CSNK1E: variants seen among roughly 807,000 people sequenced by gnomAD.
CSNK1E encodes the protein casein kinase I isoform epsilon.
A neutral mutation model predicts 46.1 loss-of-function variants in CSNK1E; 17 were observed. The ratio of observed to expected loss-of-function variants is 0.37; its 90% CI spans 0.25 to 0.55. The LOEUF (loss-of-function observed/expected upper bound fraction) is 0.55. Among genes scored for constraint, CSNK1E ranks in the 20% least tolerant of loss-of-function variants. The pLI, the probability that CSNK1E is intolerant of heterozygous loss-of-function variation, is 0.82. For synonymous variants in CSNK1E, 241 were observed against 242.6 expected (o/e 0.99, Z 0.06); for missense variants, 386 against 595.4 (o/e 0.65, Z 3.66).
rs748772741 is a variant in CSNK1E at position 38,298,737 on chromosome 22, C to A, written c.885+49G>T. On this transcript the variant is annotated intron_variant, in intron 7 of 10. Coordinates refer to ENST00000396832, the MANE Select transcript of CSNK1E (RefSeq NM_152221.3). This position sits in a 1 kb window ranked among gnomAD's most constrained non-coding sequence, Gnocchi z 4.2. ...CTCACTCTGGCCCTCTGAGTCAGGGCCTTCCCCATCCAGTCCCCCAAGCCC... is the reference window on the plus strand; with the variant it reads ...CTCACTCTGGCCCTCTGAGTCAGGGACTTCCCCATCCAGTCCCCCAAGCCC... 1 of 1,609,206 alleles carries A rather than the reference C, an allele frequency of 6.2e-7. No homozygotes were observed. The highest frequency in any genetic ancestry group is 1.1e-5 in the South Asian group (1 of 90,816).
chr22:38,305,613 C>A (rs79941944), intron 2 of CSNK1E, among the ~76,000 whole-genome samples: 11,373 of 152,080 alleles, frequency 0.075, 566 homozygotes, highest in East Asian at 0.24. Flanking sequence ...GAAAATAGGC[C>A]AAAGGATTTG....
In CSNK1E at chr22:38,294,279, G is replaced by A. The variant is rs574600805; in HGVS notation, c.1079-31C>T. ...GGGAGAGTGGGAAGCCACCCTCAGAGTAGGCACAAACAGAGCCCCCCACCC... is the reference window on the plus strand; with the variant it reads ...GGGAGAGTGGGAAGCCACCCTCAGAATAGGCACAAACAGAGCCCCCCACCC... On this transcript the variant is annotated intron_variant, in intron 8 of 10. Coordinates refer to ENST00000396832, the MANE Select transcript of CSNK1E (RefSeq NM_152221.3). This position sits in a 1 kb window ranked among gnomAD's most constrained non-coding sequence, Gnocchi z 5.5. The A allele has an allele frequency of 7.5e-6, 12 of 1,607,388 alleles. No individual in the cohort carries two copies. The African/African-American group carries it at 1.2e-4, about 16-fold the overall frequency.
At chr22:38,295,832 G>A (rs1346059700) in intron 7 of CSNK1E, among the ~76,000 whole-genome samples, 5 of 151,936 alleles carry the variant, frequency 3.3e-5, no homozygotes, top group Non-Finnish European at 7.4e-5. Flanking sequence ...TGGGACCACC[G>A]GGGCTCTAAC....
chr22:38,296,285 G>A, intron 7 of CSNK1E: 1 of 1,248,960 alleles, frequency 8.0e-7, no homozygotes, highest in Non-Finnish European at 1.0e-6. Context: ...TCATCATATG[G>A]ACCTCTGTCC....
At chr22:38,301,469 G>T (rs1230213526) in intron 4 of CSNK1E, among the ~76,000 whole-genome samples, 2 of 151,536 alleles carry the variant, frequency 1.3e-5, no homozygotes, top group African/African-American at 2.4e-5. Flanking sequence ...GTCTCGGTCT[G>T]TTGCCCAGGC....
rs900592641 is a variant in CSNK1E at position 38,295,382 on chromosome 22, G to A, written c.886-848C>T. Reference sequence around the variant, plus strand: ...ATATGTGGGGGCAGCGCCCGACTGCGTTACCTAGTTCATCCTGGGGCCGTC... The same window carrying A: ...ATATGTGGGGGCAGCGCCCGACTGCATTACCTAGTTCATCCTGGGGCCGTC... On this transcript the variant is annotated intron_variant, in intron 7 of 10. Coordinates refer to ENST00000396832, the MANE Select transcript of CSNK1E (RefSeq NM_152221.3). The A allele has an allele frequency of 1.7e-5, 17 of 983,368 alleles. No individual in the cohort carries two copies. The Admixed American group carries it at 1.8e-4, about 11-fold the overall frequency. 60.9% of individuals were successfully genotyped at this position (983,368 alleles called of 1,614,324 possible). A position where few individuals can be genotyped will look rare whatever the true frequency, so the allele number is the denominator to read the frequency against.
At chr22:38,295,534 A>G (rs1244934556) in intron 7 of CSNK1E, 1 of 186,248 alleles carries the variant, frequency 5.4e-6, no homozygotes, top group Non-Finnish European at 1.0e-5. Context: ...CTCCCAGGAG[A>G]CTGGCCAAGA....
At position 38,294,213 on chromosome 22, in the gene CSNK1E, G is replaced by T; in HGVS notation, c.1114C>A (p.Arg372=). The T allele has an allele frequency of 1.2e-6, 2 of 1,612,608 alleles. No individual in the cohort carries two copies. The highest frequency in any genetic ancestry group is 2.2e-5 in the East Asian group (1 of 44,870). Residue 372 remains arginine, a synonymous_variant, in exon 9 of 11, where the codon CGG becomes AGG. Transcript: ENST00000396832. The surrounding 1 kb of genome is among the most constrained non-coding windows in gnomAD (Gnocchi z 5.5). The stretch of plus-strand genomic sequence containing the variant: ...AGCCTCATACTCACCTTCCTCTCCC[G>T]GTCGACCCGCGAGATCGCTCTGGGA... The part of the protein sequence containing the change: ...TSPRAISRVD[R]ERKVSMRLHR...
At position 38,300,583 on chromosome 22, in the gene CSNK1E, T is replaced by C. The variant is rs1017991952; in HGVS notation, c.565+141A>G. 3.8e-6 allele frequency: 3 copies of C among 786,666 alleles called. No individual in the cohort carries two copies. The African/African-American group carries it at 5.2e-5, about 14-fold the overall frequency. 48.7% of individuals were successfully genotyped at this position (786,666 alleles called of 1,614,324 possible). A position where few individuals can be genotyped will look rare whatever the true frequency, so the allele number is the denominator to read the frequency against. On this transcript the variant is annotated intron_variant, in intron 5 of 10. Transcript: ENST00000396832. This position sits in a 1 kb window ranked among gnomAD's most constrained non-coding sequence, Gnocchi z 4.4. ...GCAAGGACACGGAATAAGCACGAGCTTGGGGGCAGACGGGGTGGGGACTTT... is the reference window on the plus strand; with the variant it reads ...GCAAGGACACGGAATAAGCACGAGCCTGGGGGCAGACGGGGTGGGGACTTT...
At position 38,293,330 on chromosome 22, in the gene CSNK1E, TG is replaced by T; in HGVS notation, c.1219-12del. The T allele has an allele frequency of 6.3e-7, 1 of 1,586,494 alleles. No homozygotes were observed. The highest frequency in any genetic ancestry group is 8.6e-7 in the Non-Finnish European group (1 of 1,159,908). On this transcript the variant is annotated splice_polypyrimidine_tract_variant and intron_variant, in intron 9 of 10. Coordinates refer to ENST00000396832, the MANE Select transcript of CSNK1E (RefSeq NM_152221.3). Reference sequence around the variant, plus strand: ...AAATGGCACACTTGTCTTTTGAGGGTGGGGAGGGAGAGAGGGGGAGGGAGAG... The same window carrying T: ...AAATGGCACACTTGTCTTTTGAGGGTGGGAGGGAGAGAGGGGGAGGGAGAG...
intron 2 of CSNK1E, among the ~76,000 whole-genome samples, chr22:38,306,541 G>T (rs1405042333): frequency 6.6e-6 from 1 of 152,100 alleles, no homozygotes; most frequent in Non-Finnish European, 1.5e-5. Flanking sequence ...GACCATCCTG[G>T]CCAACATGGT....
At position 38,298,942 on chromosome 22, in the gene CSNK1E, G is replaced by A. The variant is rs949859990; in HGVS notation, c.737-8C>T. The A allele has an allele frequency of 9.9e-6, 16 of 1,613,976 alleles. No individual in the cohort carries two copies. The highest frequency in any genetic ancestry group is 1.2e-5 in the Non-Finnish European group (14 of 1,179,992). ...GGTATGTTGAGAATTCGGCTGGAGG[G>A]TGTTGCAGAGGATAGAGAAGGCCAC... On this transcript the variant is annotated splice_region_variant and splice_polypyrimidine_tract_variant and intron_variant, in intron 6 of 10. Coordinates refer to ENST00000396832, the MANE Select transcript of CSNK1E (RefSeq NM_152221.3). This position sits in a 1 kb window ranked among gnomAD's most constrained non-coding sequence, Gnocchi z 4.2.
At chr22:38,293,096 T>G in intron 10 of CSNK1E, 159 bp downstream of exon 10, 2 of 650,716 alleles carry the variant, frequency 3.1e-6, no homozygotes, top group Non-Finnish European at 5.5e-6. Context: ...GCCTCCGAGG[T>G]TTTAAACTAC....
chr22:38,301,192 G>C (rs2092670186), intron 4 of CSNK1E, among the ~76,000 whole-genome samples: 1 of 152,236 alleles, frequency 6.6e-6, no homozygotes, highest in Non-Finnish European at 1.5e-5. Context: ...TTGCAGGAAA[G>C]CTAATGGGAA....
chr22:38,304,463 C>T (rs1018821715), intron 2 of CSNK1E, among the ~76,000 whole-genome samples: 1 of 152,162 alleles, frequency 6.6e-6, no homozygotes, highest in Non-Finnish European at 1.5e-5. Context: ...TGAACATAAA[C>T]AAACGCTCGC....
At chr22:38,314,230 C>A (rs761139121) in intron 1 of CSNK1E, 61 bp from the exon 2 acceptor site, 1 of 1,343,438 alleles carries the variant, frequency 7.4e-7, no homozygotes, top group Non-Finnish European at 1.1e-6. Flanking sequence ...GGGGTCCAGT[C>A]CACCAAGGCC....
chr22:38,296,396 C>A (rs2092640751), intron 7 of CSNK1E: 3 of 1,410,718 alleles, frequency 2.1e-6, no homozygotes, highest in African/African-American at 1.5e-5. Flanking sequence ...TCCACAGATC[C>A]CAGCACCCCG....
chr22:38,314,048 C>T, intron 2 of CSNK1E, 34 bp downstream of exon 2: 1 of 1,589,288 alleles, frequency 6.3e-7, no homozygotes, highest in Non-Finnish European at 8.6e-7. Flanking sequence ...ATGGGCTGGC[C>T]CCAGGGGCTC....
Position 38,303,131 on chromosome 22 carries a change from C to T in CSNK1E, c.187+7G>A, listed in dbSNP as rs368795328. 1.5e-5 allele frequency: 24 copies of T among 1,604,424 alleles called. No homozygotes were observed. The South Asian group carries it at 1.5e-4, about 10-fold the overall frequency. On this transcript the variant is annotated splice_region_variant and intron_variant, in intron 3 of 10. Transcript: ENST00000396832. This position sits in a 1 kb window ranked among gnomAD's most constrained non-coding sequence, Gnocchi z 4.7. ...CCGGCGCCCGCCGCCGCCCACCCTG[C>T]GCTCACCGCCACCCTGCATCATCTT...
Sources: gnomAD v4.1 joint callset for allele counts (sites outside exome capture counted in the v4.1 genomes callset) on GRCh38, gnomAD v4.1.1 for gene constraint, Gnocchi (gnomAD v3.1) non-coding constraint, MANE v1.5 for transcripts, NCBI Gene and HGNC (gene_info 2026-07-23, HGNC 2026-07-21) for gene names.